The following NWD2 variants were observed in gnomAD, a reference collection of about 807,000 sequenced individuals.
NWD2 encodes NACHT and WD repeat domain containing 2.
NWD2 carries 37 observed loss-of-function variants against 132.7 expected under a neutral mutation model. That is an observed-to-expected ratio of 0.28 (90% CI 0.21 to 0.37). NWD2 has a LOEUF of 0.37. Among genes scored for constraint, NWD2 ranks in the 10% least tolerant of loss-of-function variants. The pLI is 1.00. For missense variants in NWD2, 1,592 were observed against 2,122.4 expected (o/e 0.75, Z 4.91); for synonymous variants, 705 against 803.0 (o/e 0.88, Z 2.06).
chr4:37,443,809 C>T lies in NWD2; in HGVS notation c.1821C>T (p.Cys607=), dbSNP rs1226456194. ...QIYVNNALSK[C]TLPMFVNLTF... The stretch of plus-strand genomic sequence containing the variant: ...ATGTGAACAATGCATTATCCAAGTG[C>T]ACACTGCCAATGTTTGTGAACCTGA... Residue 607 remains cysteine, a synonymous_variant, in exon 7 of 7, where the codon TGC becomes TGT. Coordinates refer to ENST00000309447, the MANE Select transcript of NWD2 (RefSeq NM_001144990.2). The surrounding 1 kb of genome is among the most constrained non-coding windows in gnomAD (Gnocchi z 4.1). 2.6e-6 allele frequency: 4 copies of T among 1,551,980 alleles called. No homozygotes were observed. In the African/African-American group the frequency reaches 4.1e-5, roughly 16 times the overall value.
Position 37,446,712 on chromosome 4 carries a change from A to T in NWD2, c.4724A>T (p.Asp1575Val). 1 of 1,550,708 alleles carries T rather than the reference A, an allele frequency of 6.4e-7. No individual in the cohort carries two copies. The highest frequency in any genetic ancestry group is 8.7e-7 in the Non-Finnish European group (1 of 1,146,704). The part of the protein sequence containing the change: ...GIIWRQRLSR[D>V]GRYLVYICFR... The stretch of plus-strand genomic sequence containing the variant: ...ATCTGGCGGCAGAGGTTGTCTCGGG[A>T]TGGTCGCTACCTGGTATACATTTGT... The change falls in exon 7 of 7, where the codon GAT (aspartate) becomes GTT (valine). Residue 1575 changes from aspartate (D) to valine (V), a missense_variant. Around this residue, in one of 7 missense-constraint regions of NWD2, gnomAD observed 257 missense variants for 335.0 expected, o/e 0.77. Coordinates refer to ENST00000309447, the MANE Select transcript of NWD2 (RefSeq NM_001144990.2). This position sits in a 1 kb window ranked among gnomAD's most constrained non-coding sequence, Gnocchi z 6.7.
At chr4:37,440,782 T>C (rs1296768782) in intron 6 of NWD2, among the ~76,000 whole-genome samples, 1 of 152,226 alleles carries the variant, frequency 6.6e-6, no homozygotes, top group Non-Finnish European at 1.5e-5. Context: ...TCTGCTGAGT[T>C]GGCTCTTCAG....
chr4:37,250,353 T>C (rs1717333723), intron 1 of NWD2, among the ~76,000 whole-genome samples: 1 of 152,216 alleles, frequency 6.6e-6, no homozygotes, highest in Non-Finnish European at 1.5e-5. Flanking sequence ...GTGGAGAAAT[T>C]ATTAGATACA....
intron 3 of NWD2, among the ~76,000 whole-genome samples, chr4:37,429,173 A>G (rs1349784146): frequency 6.6e-6 from 1 of 152,230 alleles, no homozygotes; most frequent in African/African-American, 2.4e-5. Flanking sequence ...ACCCAAAGAT[A>G]GCCCTTAATA....
At chr4:37,376,679 T>C (rs1720355705) in intron 3 of NWD2, among the ~76,000 whole-genome samples, 1 of 152,236 alleles carries the variant, frequency 6.6e-6, no homozygotes, top group Admixed American at 6.5e-5. Context: ...CTACTTGATA[T>C]TAATACTTCA....
chr4:37,322,939 G>A (rs1309369869), intron 1 of NWD2, among the ~76,000 whole-genome samples: 1 of 152,076 alleles, frequency 6.6e-6, no homozygotes, highest in African/African-American at 2.4e-5. Context: ...TATTCCATCG[G>A]TCATTGCAAA....
At chr4:37,322,407 C>T (rs1427358841) in intron 1 of NWD2, among the ~76,000 whole-genome samples, 2 of 152,118 alleles carry the variant, frequency 1.3e-5, no homozygotes, top group African/African-American at 4.8e-5. Flanking sequence ...ATGAGATGAT[C>T]ACAGGACTAA....
chr4:37,356,583 A>G (rs1719875369), intron 3 of NWD2, 101 bp downstream of exon 3: 1 of 738,090 alleles, frequency 1.4e-6, no homozygotes, highest in African/African-American at 1.8e-5. Flanking sequence ...GAGGGGGAAA[A>G]AGACTTTTTT....
At chr4:37,320,777 C>T (rs979547703) in intron 1 of NWD2, among the ~76,000 whole-genome samples, 3 of 152,102 alleles carry the variant, frequency 2.0e-5, no homozygotes, top group Non-Finnish European at 4.4e-5. Context: ...TGTACAGAGA[C>T]CTTGGAAACC....
intron 2 of NWD2, among the ~76,000 whole-genome samples, chr4:37,339,694 A>G (rs565589638): frequency 1.3e-5 from 2 of 152,342 alleles, no homozygotes; most frequent in East Asian, 3.9e-4. Context: ...CTTGGTATAA[A>G]TAGGGGTACA....
intron 2 of NWD2, among the ~76,000 whole-genome samples, chr4:37,330,349 A>G (rs1210439663): frequency 1.3e-5 from 2 of 152,204 alleles, no homozygotes; most frequent in East Asian, 3.8e-4. Context: ...TATTTAAATA[A>G]TATGTTATTT....
At chr4:37,326,806 G>A (rs1719182037) in intron 2 of NWD2, among the ~76,000 whole-genome samples, 1 of 152,196 alleles carries the variant, frequency 6.6e-6, no homozygotes, top group Admixed American at 6.5e-5. Context: ...ATAGAGGTCT[G>A]TGGTGCAGAA....
rs186198694 is a variant in NWD2, at chr4:37,293,274, T to C, written c.152-32662T>C. Reference sequence around the variant, plus strand: ...TAGCATCACGTGCTCTCCTGATTTATAGGTATTTGTGTCATTGTCTATTTG... The same window carrying C: ...TAGCATCACGTGCTCTCCTGATTTACAGGTATTTGTGTCATTGTCTATTTG... On this transcript the variant is annotated intron_variant, in intron 1 of 6. Coordinates refer to ENST00000309447, the MANE Select transcript of NWD2 (RefSeq NM_001144990.2). 2.7e-3 allele frequency among the ~76,000 whole-genome samples: 416 copies of C among 152,336 alleles called. 4 individuals are homozygous for C. Among genetic ancestry groups the C allele is most frequent in the Non-Finnish European group, 5.1e-3 (345 of 68,024 alleles).
chr4:37,369,614 G>A (rs376599850), intron 3 of NWD2, among the ~76,000 whole-genome samples: 4 of 152,084 alleles, frequency 2.6e-5, no homozygotes, highest in South Asian at 4.1e-4. Flanking sequence ...ATCAAAATTC[G>A]ATGAACATTC....
At chr4:37,358,821 G>C (rs1217589855) in intron 3 of NWD2, among the ~76,000 whole-genome samples, 1 of 152,112 alleles carries the variant, frequency 6.6e-6, no homozygotes, top group African/African-American at 2.4e-5. Flanking sequence ...AAATCACCTG[G>C]CTCAAACTGT....
At chr4:37,441,625 T>A (rs1286987181) in intron 6 of NWD2, among the ~76,000 whole-genome samples, 1 of 152,202 alleles carries the variant, frequency 6.6e-6, no homozygotes, top group Non-Finnish European at 1.5e-5. Flanking sequence ...AAGGAACAGC[T>A]TTCTGAGCTC....
chr4:37,374,222 T>C (rs771966457), intron 3 of NWD2, among the ~76,000 whole-genome samples: 11 of 152,318 alleles, frequency 7.2e-5, no homozygotes, highest in Admixed American at 4.6e-4. Context: ...CTCCTCCTCC[T>C]CTGTTGCTCC....
rs564771041 is a variant in NWD2 at position 37,443,747 on chromosome 4, C to T, written c.1759C>T (p.Arg587Cys). ...CCAGGTCCTCAAACACCAGCTGCTG[C>T]GCGTCAAAAGGAAGGTCACATCAGG... The part of the protein sequence containing the change: ...CSQVLKHQLL[R>C]VKRKVTSGQQ... The change falls in exon 7 of 7, where the codon CGC becomes TGC. Residue 587 changes from arginine to cysteine, a missense_variant. Physicochemically the swap from Arg to Cys is radical, Grantham distance 180. Around this residue, in one of 7 missense-constraint regions of NWD2, gnomAD observed 1,071 missense variants for 1,398.0 expected, o/e 0.77. Coordinates refer to ENST00000309447, the MANE Select transcript of NWD2 (RefSeq NM_001144990.2). This position sits in a 1 kb window ranked among gnomAD's most constrained non-coding sequence, Gnocchi z 4.1. The T allele has an allele frequency of 1.2e-5, 18 of 1,551,678 alleles. No homozygotes were observed. Among genetic ancestry groups the T allele is most frequent in the East Asian group, 4.9e-5 (2 of 40,908 alleles).
At chr4:37,276,916 T>G (rs1379627194) in intron 1 of NWD2, among the ~76,000 whole-genome samples, 2 of 151,394 alleles carry the variant, frequency 1.3e-5, no homozygotes, top group Non-Finnish European at 2.9e-5. Context: ...TTCTCACTCA[T>G]AGGTGGGAAT....
Sources: gnomAD v4.1 joint callset for allele counts (sites outside exome capture counted in the v4.1 genomes callset) on GRCh38, gnomAD v4.1.1 for gene constraint, gnomAD v4.1.1 regional missense constraint, Gnocchi (gnomAD v3.1) non-coding constraint, MANE v1.5 for transcripts, NCBI Gene and HGNC (gene_info 2026-07-23, HGNC 2026-07-21) for gene names.